Variants in ZNF267 observed in about 807,000 individuals in gnomAD.
ZNF267 encodes the protein zinc finger (C2H2).
ZNF267 carries 61 observed loss-of-function variants against 71.6 expected under a neutral mutation model. That is an observed-to-expected ratio of 0.85 (90% confidence interval 0.69 to 1.05). The LOEUF (loss-of-function observed/expected upper bound fraction) is 1.05, where lower values mean the gene tolerates loss of function less well. ZNF267 is among the 50% of genes least tolerant of loss of function. The pLI is 0.00. For synonymous variants in ZNF267, 288 were observed against 293.2 expected (o/e 0.98, Z 0.18); for missense variants, 852 against 870.0 (o/e 0.98, Z 0.26).
chr16:31,911,660 T>G (rs1377511410), intron 3 of ZNF267, among the ~76,000 whole-genome samples: 1 of 151,418 alleles, frequency 6.6e-6, no homozygotes, highest in African/African-American at 2.4e-5. Context: ...GCATTTCCAT[T>G]CAGCATTATT....
At chr16:31,900,548 C>T (rs1186090607) in intron 3 of ZNF267, among the ~76,000 whole-genome samples, 1 of 152,002 alleles carries the variant, frequency 6.6e-6, no homozygotes, top group Non-Finnish European at 1.5e-5. Context: ...GGGTTCACGC[C>T]ATTCTCCTGC....
intron 3 of ZNF267, among the ~76,000 whole-genome samples, chr16:31,904,189 G>A (rs1351445500): frequency 6.6e-6 from 1 of 152,162 alleles, no homozygotes; most frequent in Non-Finnish European, 1.5e-5. Flanking sequence ...CATTTGCTGA[G>A]GAGTGCTTTA....
At chr16:31,889,210 GT>G (rs1256588969) in intron 3 of ZNF267, among the ~76,000 whole-genome samples, 2 of 121,476 alleles carry the variant, frequency 1.6e-5, no homozygotes, top group South Asian at 5.2e-4. Flanking sequence ...TGTTCATTTT[GT>G]TTTTTTTTAA....
chr16:31,882,309 G>C (rs1335891731), intron 1 of ZNF267, among the ~76,000 whole-genome samples: 2 of 152,200 alleles, frequency 1.3e-5, no homozygotes, highest in Non-Finnish European at 2.9e-5. Context: ...GGCTGGCAAA[G>C]GGTGTGATCT....
Position 31,897,157 on chromosome 16 carries a change from C to CA in ZNF267, c.226+11909dup, listed in dbSNP as rs199788365. Among the ~76,000 whole-genome samples, 250 of 147,422 alleles carry CA rather than the reference C, an allele frequency of 1.7e-3. 1 individual carries two copies. The highest frequency in any genetic ancestry group is 5.6e-3 in the African/African-American group (225 of 39,922). ...ACCAAAAAAACAAAACAAAACAAAA[C>CA]AAAAAAAACCCAGAAACAACAAAAC... On this transcript the variant is annotated intron_variant, in intron 3 of 3. Coordinates refer to ENST00000300870, the MANE Select transcript of ZNF267 (RefSeq NM_003414.6).
chr16:31,900,192 A>C (rs567339347), intron 3 of ZNF267, among the ~76,000 whole-genome samples: 110 of 152,204 alleles, frequency 7.2e-4, no homozygotes, highest in Middle Eastern at 3.4e-3. Context: ...AGTCACACAC[A>C]CGAGAAAGTG....
At chr16:31,900,599 C>A (rs2084032120) in intron 3 of ZNF267, among the ~76,000 whole-genome samples, 1 of 151,962 alleles carries the variant, frequency 6.6e-6, no homozygotes, top group Non-Finnish European at 1.5e-5. Flanking sequence ...TGCCTGCCAC[C>A]ACGCCCAGCT....
At position 31,915,151 on chromosome 16, in the gene ZNF267, A is replaced by T. The variant is rs1030722321; in HGVS notation, c.902A>T (p.Asp301Val). The T allele has an allele frequency of 6.2e-7, 1 of 1,612,998 alleles. No individual in the cohort carries two copies. Among genetic ancestry groups the T allele is most frequent in the Non-Finnish European group, 8.5e-7 (1 of 1,179,664 alleles). ...AACTCATATAGCTATAACAAATATG[A>T]TAAAGATCTTAGTCAGTCATCAAAT... ...RENSYSYNKY[D>V]KDLSQSSNLR... The change falls in exon 4 of 4, where the codon GAT becomes GTT. Residue 301 changes from aspartate to valine, a missense_variant. Transcript: ENST00000300870.
chr16:31,897,898 G>T (rs2084011685), intron 3 of ZNF267, among the ~76,000 whole-genome samples: 1 of 152,066 alleles, frequency 6.6e-6, no homozygotes, highest in African/African-American at 2.4e-5. Flanking sequence ...TGTCTATCTG[G>T]AATAATGTAC....
At position 31,916,283 on chromosome 16, in the gene ZNF267, T is replaced by C. The variant is rs2084176941; in HGVS notation, c.2034T>C (p.His678=). The C allele has an allele frequency of 3.1e-6, 5 of 1,614,068 alleles. No homozygotes were observed. The highest frequency in any genetic ancestry group is 4.2e-6 in the Non-Finnish European group (5 of 1,180,004). Residue 678 remains histidine (H), a synonymous_variant, in exon 4 of 4, where the codon CAT becomes CAC. Coordinates refer to ENST00000300870, the MANE Select transcript of ZNF267 (RefSeq NM_003414.6). ...AFNSRSYLTT[H]RRRHTGERPY... is the part of the protein sequence containing the mutation. The stretch of plus-strand genomic sequence containing the variant: ...ACTCTAGGTCATACCTCACTACACA[T>C]CGGAGAAGACATACTGGAGAGAGAC...
intron 3 of ZNF267, among the ~76,000 whole-genome samples, chr16:31,911,596 TCTTC>T (rs1414158109): frequency 6.6e-6 from 1 of 151,430 alleles, no homozygotes; most frequent in African/African-American, 2.4e-5. Flanking sequence ...GATAATTGGG[TCTTC>T]CTTTTTCTTT....
rs926598951 is a variant in ZNF267 at position 31,916,959 on chromosome 16, G to C, written c.*478G>C. ...GAATAATCTAAAGGCAAAATAATTA[G>C]ATAATTTATTTGCTTATATGTTTTA... On this transcript the variant is annotated 3_prime_UTR_variant, in exon 4 of 4. Transcript: ENST00000300870. 1.3e-5 allele frequency: 2 copies of C among 155,212 alleles called. No individual in the cohort carries two copies. Among genetic ancestry groups the C allele is most frequent in the Non-Finnish European group, 2.9e-5 (2 of 69,998 alleles). 9.6% of individuals were successfully genotyped at this position (155,212 alleles called of 1,614,324 possible).
chr16:31,884,730 G>GT, intron 2 of ZNF267, 106 bp downstream of exon 2: 1 of 1,219,318 alleles, frequency 8.2e-7, no homozygotes, highest in South Asian at 1.8e-5. Context: ...TTAGATTCTT[G>GT]TTTTCAGGAA....
At chr16:31,885,024 A>G (rs1054014032) in intron 2 of ZNF267, 137 bp from the exon 3 acceptor site, 4 of 566,798 alleles carry the variant, frequency 7.1e-6, no homozygotes, top group Admixed American at 3.8e-5. Flanking sequence ...AGAATCTTCT[A>G]TAATGTCTTA....
At chr16:31,899,999 C>T (rs865865272) in intron 3 of ZNF267, among the ~76,000 whole-genome samples, 17 of 150,354 alleles carry the variant, frequency 1.1e-4, no homozygotes, top group African/African-American at 1.5e-4. Flanking sequence ...TATATATATA[C>T]ACACACACAC....
At chr16:31,886,246 G>A (rs2083923403) in intron 3 of ZNF267, among the ~76,000 whole-genome samples, 2 of 152,104 alleles carry the variant, frequency 1.3e-5, no homozygotes, top group South Asian at 4.1e-4. Context: ...GCCAATTTTT[G>A]TGTGTGTGGT....
rs1290872716 is a variant in ZNF267 at position 31,914,749 on chromosome 16, A to G, written c.500A>G (p.Lys167Arg). ...AKSYNFDQYR[K>R]VFTHSSLLNQ... ...AGCTATAACTTTGATCAATATAGGA[A>G]GGTCTTTACTCATTCATCATTGCTT... The change falls in exon 4 of 4, where the codon AAG becomes AGG. Residue 167 changes from lysine (K) to arginine (R), a missense_variant. Coordinates refer to ENST00000300870, the MANE Select transcript of ZNF267 (RefSeq NM_003414.6). 7 of 1,614,100 alleles carry G rather than the reference A, an allele frequency of 4.3e-6. No homozygotes were observed. The highest frequency in any genetic ancestry group is 5.9e-6 in the Non-Finnish European group (7 of 1,179,992).
intron 3 of ZNF267, among the ~76,000 whole-genome samples, chr16:31,897,154 AAAC>A (rs1302880833): frequency 2.0e-5 from 3 of 151,564 alleles, no homozygotes; most frequent in East Asian, 3.9e-4. Context: ...AAACAAAACA[AAAC>A]AAAAAAAACC....
chr16:31,894,716 C>T, intron 3 of ZNF267: 1 of 477,684 alleles, frequency 2.1e-6, no homozygotes, highest in Admixed American at 2.5e-5. Flanking sequence ...ACAGGGCATT[C>T]CAAATGCTCT....
Sources: gnomAD v4.1 joint callset for allele counts (sites outside exome capture counted in the v4.1 genomes callset) on GRCh38, gnomAD v4.1.1 for gene constraint, MANE v1.5 for transcripts, NCBI Gene and HGNC (gene_info 2026-07-23, HGNC 2026-07-21) for gene names.